Variants in BCL7C observed in about 807,000 individuals in gnomAD.
The protein encoded by BCL7C is B-cell CLL/lymphoma 7 protein family member C.
In BCL7C, 8 loss-of-function variants were observed where a neutral mutation model predicts 26.2. The observed-to-expected ratio is 0.30, with a 90% CI of 0.18 to 0.55. The LOEUF (loss-of-function observed/expected upper bound fraction) is 0.55, where lower values mean the gene tolerates loss of function less well. Ranked by LOEUF, BCL7C falls within the 20% of genes least tolerant of loss-of-function variation. The pLI is 0.93. For synonymous variants in BCL7C, 90 were observed against 116.5 expected, an observed-to-expected ratio of 0.77 and a Z score of 1.47; for missense variants, 262 against 298.5, an observed-to-expected ratio of 0.88 and a Z score of 0.90.
chr16:30,889,310 CAT>C (rs1350474648), intron 4 of BCL7C, among the ~76,000 whole-genome samples: 3 of 152,266 alleles, frequency 2.0e-5, no homozygotes, highest in East Asian at 1.9e-4. Context: ...GTAATTACCT[CAT>C]GTGGCTGTTG....
chr16:30,892,141 C>G (rs1005668582), intron 4 of BCL7C, among the ~76,000 whole-genome samples: 1 of 150,380 alleles, frequency 6.6e-6, no homozygotes, highest in African/African-American at 2.4e-5. Flanking sequence ...GTGGCATATG[C>G]CTGTGGTCCC....
chr16:30,843,036 T>C (rs7195612), intron 5 of BCL7C, among the ~76,000 whole-genome samples: 147,841 of 152,332 alleles, frequency 0.97, 71,873 homozygotes, highest in Middle Eastern at 1. Context: ...AATCCTGTTC[T>C]TTCCAAATCC....
intron 5 of BCL7C, among the ~76,000 whole-genome samples, chr16:30,879,700 A>C (rs557202435): frequency 8.1e-5 from 11 of 135,108 alleles, no homozygotes; most frequent in African/African-American, 1.3e-4. Context: ...AAAAAAAAAA[A>C]AAAAAAAAAC....
chr16:30,881,188 G>A (rs1476481027), intron 5 of BCL7C, among the ~76,000 whole-genome samples: 1 of 152,096 alleles, frequency 6.6e-6, no homozygotes, highest in Non-Finnish European at 1.5e-5. Flanking sequence ...CCTGAGGTCA[G>A]GAGTTCAAGA....
At chr16:30,837,107 T>A (rs1175193071) in intron 5 of BCL7C, among the ~76,000 whole-genome samples, 2 of 151,928 alleles carry the variant, frequency 1.3e-5, no homozygotes, top group African/African-American at 4.8e-5. Context: ...TCCATCTCTT[T>A]AAAAAATTTT....
At chr16:30,836,039 G>T (rs920967996) in intron 5 of BCL7C, among the ~76,000 whole-genome samples, 3 of 151,386 alleles carry the variant, frequency 2.0e-5, no homozygotes, top group Non-Finnish European at 4.4e-5. Context: ...GATCACTTGA[G>T]GTCAGGGGTT....
At chr16:30,890,193 A>G (rs1159649419) in intron 4 of BCL7C, among the ~76,000 whole-genome samples, 1 of 151,524 alleles carries the variant, frequency 6.6e-6, no homozygotes, top group East Asian at 2.0e-4. Context: ...CAGGAGTTCA[A>G]GACCATCCTG....
At position 30,893,918 on chromosome 16, in the gene BCL7C, C is replaced by G. The variant is rs774056136; in HGVS notation, c.27G>C (p.Glu9Asp). MAGRTVRA[E>D]TRSRAKDDIK... is the part of the protein sequence containing the mutation. Reference sequence around the variant, plus strand: ...TGTCATCCTTGGCCCGGCTCCGGGTCTCGGCCCGTACAGTCCGGCCGGCCA... The same window carrying G: ...TGTCATCCTTGGCCCGGCTCCGGGTGTCGGCCCGTACAGTCCGGCCGGCCA... The change falls in exon 1 of 6, where the codon GAG becomes GAC. Residue 9 changes from glutamate (E) to aspartate (D), a missense_variant. Physicochemically the swap from Glu to Asp is conservative, Grantham distance 45. Transcript: ENST00000215115. This position sits in a 1 kb window ranked among gnomAD's most constrained non-coding sequence, Gnocchi z 5.2. 6.3e-7 allele frequency: 1 copy of G among 1,598,734 alleles called. No individual in the cohort carries two copies. The highest frequency in any genetic ancestry group is 8.5e-7 in the Non-Finnish European group (1 of 1,178,140).
At chr16:30,850,789 C>A (rs1020076858) in intron 5 of BCL7C, among the ~76,000 whole-genome samples, 1 of 152,130 alleles carries the variant, frequency 6.6e-6, no homozygotes, top group Non-Finnish European at 1.5e-5. Flanking sequence ...GTTAGTAAGT[C>A]AGTAGTGAGT....
chr16:30,835,182 T>C, intron 5 of BCL7C: 1 of 1,432,170 alleles, frequency 7.0e-7, no homozygotes. Context: ...GGGTAGTGTT[T>C]CCTCTTCTCC....
In BCL7C at chr16:30,893,040, T is replaced by A; in HGVS notation, c.172-92A>T. The A allele has an allele frequency of 7.5e-7, 1 of 1,333,490 alleles. No homozygotes were observed. The highest frequency in any genetic ancestry group is 1.3e-5 in the South Asian group (1 of 77,008). The allele number at this position is 1,333,490 out of a possible 1,614,324, so 82.6% of individuals were successfully genotyped here. A position where few individuals can be genotyped will look rare whatever the true frequency, so the allele number is the denominator to read the frequency against. On this transcript the variant is annotated intron_variant, in intron 2 of 5. Coordinates refer to ENST00000215115, the MANE Select transcript of BCL7C (RefSeq NM_004765.4). The surrounding 1 kb of genome is among the most constrained non-coding windows in gnomAD (Gnocchi z 5.2). ...CACTGAGAAGCAAAAGGGCTCAAAC[T>A]CAGGGGGTGTGGAGCAGAAAAGAGG...
chr16:30,841,023 T>C (rs556774579), intron 5 of BCL7C, among the ~76,000 whole-genome samples: 19 of 151,714 alleles, frequency 1.3e-4, no homozygotes, highest in Non-Finnish European at 2.5e-4. Context: ...CTCCCTCATC[T>C]CTCCCACCCC....
At position 30,834,958 on chromosome 16, in the gene BCL7C, T is replaced by TTACCCTGGGGGATTGTTCTGGG. The variant is rs1294716376; in HGVS notation, c.697_718dup (p.Lys240ThrfsTer8). ...GCTTGGGGAGCCCACTCACCTCCCC[T>TTACCCTGGGGGATTGTTCTGGG]TACCCTGGGGGATTGTTCTGGGTGC... On this transcript the variant is annotated stop_gained and frameshift_variant, in exon 6 of 6. Transcript: ENST00000380317. LOFTEE classifies it high-confidence loss of function. The surrounding 1 kb of genome is among the most constrained non-coding windows in gnomAD (Gnocchi z 4.3). 1.9e-6 allele frequency: 3 copies of TTACCCTGGGGGATTGTTCTGGG among 1,539,680 alleles called. No individual in the cohort carries two copies. Among genetic ancestry groups the TTACCCTGGGGGATTGTTCTGGG allele is most frequent in the Non-Finnish European group, 2.6e-6 (3 of 1,141,672 alleles).
chr16:30,844,348 C>CAAAAAAA (rs55663737), intron 5 of BCL7C, among the ~76,000 whole-genome samples: 1 of 73,404 alleles, frequency 1.4e-5, no homozygotes, highest in Non-Finnish European at 2.3e-5. Flanking sequence ...GACTCCGTCT[C>CAAAAAAA]AAAAAAAAAA....
chr16:30,871,219 T>G (rs141006618), intron 5 of BCL7C, among the ~76,000 whole-genome samples: 4 of 152,126 alleles, frequency 2.6e-5, no homozygotes. Context: ...GGGGACAGCG[T>G]ATAGGGAACA....
At chr16:30,873,327 G>T (rs929495620) in intron 5 of BCL7C, among the ~76,000 whole-genome samples, 4 of 152,154 alleles carry the variant, frequency 2.6e-5, no homozygotes, top group Admixed American at 6.6e-5. Flanking sequence ...CAACTCTATA[G>T]AGACAGAAAG....
At chr16:30,836,465 C>T (rs945209554) in intron 5 of BCL7C, among the ~76,000 whole-genome samples, 3 of 150,994 alleles carry the variant, frequency 2.0e-5, no homozygotes. Flanking sequence ...AGAGTTGAGA[C>T]CCTGTCTTTT....
intron 5 of BCL7C, among the ~76,000 whole-genome samples, chr16:30,857,684 T>C (rs2054734777): frequency 6.6e-6 from 1 of 151,674 alleles, no homozygotes; most frequent in Non-Finnish European, 1.5e-5. Context: ...AAACCATGCC[T>C]TGGAGGCCGG....
intron 5 of BCL7C, among the ~76,000 whole-genome samples, chr16:30,881,067 A>G (rs1355436952): frequency 2.6e-5 from 4 of 152,010 alleles, no homozygotes; most frequent in Non-Finnish European, 4.4e-5. Context: ...AAGACGGGGG[A>G]AAAAACCTGT....
Sources: allele counts gnomAD v4.1 joint callset (sites outside exome capture counted in the v4.1 genomes callset), GRCh38; gene constraint gnomAD v4.1.1; non-coding constraint Gnocchi (gnomAD v3.1); transcripts MANE v1.5; gene names NCBI Gene and HGNC (gene_info 2026-07-23, HGNC 2026-07-21).